Variants in USP34 observed in about 807,000 individuals in gnomAD.
USP34 encodes the protein ubiquitin carboxyl-terminal hydrolase 34.
Under a neutral mutation model 460.3 loss-of-function variants are expected in USP34, and 70 were observed. That is an observed-to-expected ratio of 0.15 (90% CI 0.13 to 0.19). The LOEUF (loss-of-function observed/expected upper bound fraction) is 0.19. USP34 is among the 10% of genes least tolerant of loss of function. USP34 has a pLI of 1.00. For synonymous variants in USP34, 1,647 were observed against 1,405.3 expected, an observed-to-expected ratio of 1.17 and a Z score of -3.85; for missense variants, 3,985 against 4,236.2, an observed-to-expected ratio of 0.94 and a Z score of 1.65.
chr2:61,396,963 A>G (rs1693549376), intron 3 of USP34, among the ~76,000 whole-genome samples: 1 of 152,226 alleles, frequency 6.6e-6, no homozygotes, highest in Non-Finnish European at 1.5e-5. Context: ...CTGTCTGAAA[A>G]TAAGGTAGAA....
At chr2:61,363,326 A>G (rs1692329338) in intron 10 of USP34, among the ~76,000 whole-genome samples, 1 of 152,186 alleles carries the variant, frequency 6.6e-6, no homozygotes, top group Admixed American at 6.5e-5. Flanking sequence ...TTAACACAGA[A>G]TTACCATGTG....
intron 20 of USP34, among the ~76,000 whole-genome samples, chr2:61,329,796 T>G (rs1295321481): frequency 1.3e-5 from 2 of 152,218 alleles, no homozygotes; most frequent in Non-Finnish European, 2.9e-5. Context: ...TAAATTCTTA[T>G]AAACACTTAT....
At chr2:61,424,299 A>G (rs550136293) in intron 1 of USP34, among the ~76,000 whole-genome samples, 14 of 152,358 alleles carry the variant, frequency 9.2e-5, no homozygotes, top group Non-Finnish European at 1.8e-4. Flanking sequence ...AAGTATTTGC[A>G]TATCTAAACA....
intron 1 of USP34, among the ~76,000 whole-genome samples, chr2:61,457,104 T>C (rs1695462840): frequency 6.6e-6 from 1 of 152,062 alleles, no homozygotes; most frequent in African/African-American, 2.4e-5. Flanking sequence ...GGTGAAACCC[T>C]GCCTCTACAA....
chr2:61,316,592 A>AG (rs111529611), intron 23 of USP34, among the ~76,000 whole-genome samples: 1 of 150,872 alleles, frequency 6.6e-6, no homozygotes, highest in African/African-American at 2.4e-5. Context: ...CTCAAAAAAA[A>AG]TAATCATAAT....
At chr2:61,258,361 G>C (rs772521166) in intron 44 of USP34, among the ~76,000 whole-genome samples, 1 of 152,084 alleles carries the variant, frequency 6.6e-6, no homozygotes, top group Non-Finnish European at 1.5e-5. Flanking sequence ...AAAGAAGTAT[G>C]ACACAATCCC....
intron 10 of USP34, among the ~76,000 whole-genome samples, chr2:61,352,815 G>GGATGAAGAAACAAA (rs1446077892): frequency 6.6e-6 from 1 of 151,970 alleles, no homozygotes. Flanking sequence ...AGGACAAGGA[G>GGATGAAGAAACAAA]GATGAAGAAA....
At chr2:61,400,978 T>C (rs1693699752) in intron 3 of USP34, among the ~76,000 whole-genome samples, 1 of 151,770 alleles carries the variant, frequency 6.6e-6, no homozygotes, top group East Asian at 1.9e-4. Flanking sequence ...GGTGAAACCC[T>C]GTCTCTACTA....
Position 61,192,956 on chromosome 2 carries a change from A to G in USP34, c.9533T>C (p.Leu3178Ser). Residue 3178 changes from leucine to serine, a missense_variant, in exon 76 of 80, where the codon TTG becomes TCG. Physicochemically the swap from Leu to Ser is moderately radical, Grantham distance 145. Around this residue, in one of 14 missense-constraint regions of USP34, gnomAD observed 506 missense variants for 439.0 expected, o/e 1.15. Transcript: ENST00000398571. ...GGGGAACAGTGCAAGATGAAGTGGC[A>G]AACCTTCATAGGCAACTAGGACACC... ...KLSVLVAYEG[L>S]PLHLALFPKL... The G allele has an allele frequency of 1.2e-6, 2 of 1,613,936 alleles. No homozygotes were observed. Among genetic ancestry groups the G allele is most frequent in the Non-Finnish European group, 1.7e-6 (2 of 1,179,866 alleles).
At chr2:61,348,705 AC>A in intron 14 of USP34, 50 bp downstream of exon 14, 1 of 1,575,456 alleles carries the variant, frequency 6.3e-7, no homozygotes, top group Non-Finnish European at 8.6e-7. Context: ...AATGATAAAC[AC>A]GCCAGAAAGC....
intron 75 of USP34, 132 bp downstream of exon 75, chr2:61,203,008 G>T: frequency 3.1e-6 from 3 of 982,338 alleles, no homozygotes; most frequent in Non-Finnish European, 4.2e-6. Context: ...ATGTTCCCAA[G>T]AATATTAATA....
chr2:61,342,155 C>T (rs1328163081), intron 16 of USP34, among the ~76,000 whole-genome samples: 1 of 152,122 alleles, frequency 6.6e-6, no homozygotes, highest in Admixed American at 6.6e-5. Flanking sequence ...AGTTCCAGCT[C>T]CACATTCTAA....
At chr2:61,202,718 ACTGCTC>A (rs1687011293) in intron 75 of USP34, among the ~76,000 whole-genome samples, 1 of 152,166 alleles carries the variant, frequency 6.6e-6, no homozygotes, top group Non-Finnish European at 1.5e-5. Context: ...TGGCAAGCCC[ACTGCTC>A]TTGCCATTGC....
At chr2:61,423,364 A>C (rs1694417638) in intron 1 of USP34, among the ~76,000 whole-genome samples, 1 of 152,154 alleles carries the variant, frequency 6.6e-6, no homozygotes, top group Non-Finnish European at 1.5e-5. Flanking sequence ...TGCCCGCCTC[A>C]GCCTCCCAAA....
intron 37 of USP34, 113 bp downstream of exon 37, chr2:61,283,032 T>TGATA: frequency 9.2e-7 from 1 of 1,084,524 alleles, no homozygotes; most frequent in Non-Finnish European, 1.3e-6. Flanking sequence ...GCAGATAATG[T>TGATA]GATATATTTA....
rs753378711 is a variant in USP34, at chr2:61,349,758, G to A, written c.1508-473C>T. Among the ~76,000 whole-genome samples the A allele has an allele frequency of 5.3e-5, 8 of 151,834 alleles. No individual in the cohort carries two copies. The South Asian group carries it at 6.2e-4, about 12-fold the overall frequency. On this transcript the variant is annotated intron_variant, in intron 12 of 79. Transcript: ENST00000398571. Reference sequence around the variant, plus strand: ...CGGGAGGCTGAGGCAGGAGAATGACGTGAACCCGGGAGACGCAGCTTGCAT... The same window carrying A: ...CGGGAGGCTGAGGCAGGAGAATGACATGAACCCGGGAGACGCAGCTTGCAT...
At chr2:61,203,316 ATAT>A (rs1687027092) in intron 74 of USP34, 53 bp from the exon 75 acceptor site, 1 of 1,393,454 alleles carries the variant, frequency 7.2e-7, no homozygotes, top group African/African-American at 1.5e-5. Context: ...AATAAAGAGC[ATAT>A]TTTGTGCAAA....
At chr2:61,399,874 C>CAAAAAAAAAAAA (rs529141667) in intron 3 of USP34, among the ~76,000 whole-genome samples, 9,134 of 68,826 alleles carry the variant, frequency 0.13, 1,385 homozygotes, top group South Asian at 0.24. Flanking sequence ...CACTGTCTCC[C>CAAAAAAAAAAAA]AAAAAAAAAA....
chr2:61,203,018 A>G, intron 75 of USP34, 122 bp downstream of exon 75: 1 of 1,048,404 alleles, frequency 9.5e-7, no homozygotes, highest in Non-Finnish European at 1.3e-6. Flanking sequence ...GAATATTAAT[A>G]TTTTTAAGCA....
Sources: allele counts gnomAD v4.1 joint callset (sites outside exome capture counted in the v4.1 genomes callset), GRCh38; gene constraint gnomAD v4.1.1; regional missense constraint gnomAD v4.1.1; transcripts MANE v1.5; gene names NCBI Gene and HGNC (gene_info 2026-07-23, HGNC 2026-07-21).